COL5A2: variants seen among roughly 807,000 people sequenced by gnomAD.
COL5A2 encodes the protein collagen type V alpha 2 chain, also known as collagen alpha-2(V) chain.
A neutral mutation model predicts 208.2 loss-of-function variants in COL5A2; 23 were observed. That is an observed-to-expected ratio of 0.11 (90% CI 0.08 to 0.16). The LOEUF is 0.16. Among genes scored for constraint, COL5A2 ranks in the 10% least tolerant of loss-of-function variants. The pLI is 1.00. For synonymous variants in COL5A2, 625 were observed against 628.5 expected (o/e 0.99, Z 0.08); for missense variants, 1,590 against 1,956.4 (o/e 0.81, Z 3.53).
intron 18 of COL5A2, among the ~76,000 whole-genome samples, chr2:189,069,136 A>G (rs1686216919): frequency 6.6e-6 from 1 of 152,154 alleles, no homozygotes; most frequent in African/African-American, 2.4e-5. Context: ...AAGAAGCCCT[A>G]CACCAGGGTT....
At chr2:189,137,211 A>G (rs754265004) in intron 1 of COL5A2, among the ~76,000 whole-genome samples, 5 of 152,256 alleles carry the variant, frequency 3.3e-5, no homozygotes, top group Non-Finnish European at 7.3e-5. Context: ...TGAGTGAATT[A>G]TCATTGGTCT....
chr2:189,396,402 G>A, the COL5A2 span, among the ~76,000 whole-genome samples: 4 of 152,056 alleles, frequency 2.6e-5, no homozygotes, highest in African/African-American at 9.7e-5. Flanking sequence ...GGCCGGGTGC[G>A]GTGGCTCACG....
upstream of COL5A2, among the ~76,000 whole-genome samples, chr2:189,230,004 A>C (rs1689460911): frequency 6.6e-6 from 1 of 151,858 alleles, no homozygotes; most frequent in Non-Finnish European, 1.5e-5. Flanking sequence ...CCAATGGACT[A>C]AAATAGACAA....
At chr2:189,047,218 G>T (rs530301489) in intron 45 of COL5A2, among the ~76,000 whole-genome samples, 2 of 152,052 alleles carry the variant, frequency 1.3e-5, no homozygotes, top group South Asian at 4.1e-4. Context: ...TTAAAAGGGC[G>T]ATGGCAACTT....
intron 1 of COL5A2, among the ~76,000 whole-genome samples, chr2:189,203,500 T>C (rs192423072): frequency 6.6e-6 from 1 of 152,316 alleles, no homozygotes; most frequent in East Asian, 1.9e-4. Context: ...TATCGGCAAG[T>C]TTACAGAACA....
chr2:189,302,296 T>C, the COL5A2 span, among the ~76,000 whole-genome samples: 1 of 152,174 alleles, frequency 6.6e-6, no homozygotes, highest in Admixed American at 6.5e-5. Context: ...TCTCTGAAGT[T>C]AAGGGGCTGT....
the COL5A2 span, among the ~76,000 whole-genome samples, chr2:189,258,869 A>G: frequency 1.3e-5 from 2 of 152,186 alleles, no homozygotes; most frequent in African/African-American, 4.8e-5. Context: ...AGGGCAAATT[A>G]CCAGGCACCC....
rs530340351 is a variant in COL5A2, at chr2:189,094,361, G to A, written c.457-1941C>T. ...AAAGTATCTATTTTTATATCTCCAA[G>A]TGAGCTGAATTACATAATTCTTATA... On this transcript the variant is annotated intron_variant, in intron 6 of 53. Transcript: ENST00000374866. Among the ~76,000 whole-genome samples the A allele has an allele frequency of 4.6e-5, 7 of 152,024 alleles. No homozygotes were observed. In the East Asian group the frequency reaches 1.4e-3, roughly 29 times the overall value.
chr2:189,350,403 C>T, the COL5A2 span, among the ~76,000 whole-genome samples: 1 of 151,838 alleles, frequency 6.6e-6, no homozygotes, highest in Non-Finnish European at 1.5e-5. Context: ...TAGACAGGCC[C>T]CACTCATATA....
the COL5A2 span, among the ~76,000 whole-genome samples, chr2:189,282,108 C>A: frequency 6.6e-6 from 1 of 152,110 alleles, no homozygotes; most frequent in Non-Finnish European, 1.5e-5. Context: ...ATTGTTAGAA[C>A]CCTGGAGGCA....
chr2:189,177,347 G>A (rs1461568548), intron 1 of COL5A2, among the ~76,000 whole-genome samples: 1 of 152,134 alleles, frequency 6.6e-6, no homozygotes, highest in African/African-American at 2.4e-5. Flanking sequence ...CCTTTATTAA[G>A]CTTGTGATAG....
chr2:189,322,345 C>A, the COL5A2 span, among the ~76,000 whole-genome samples: 3 of 152,042 alleles, frequency 2.0e-5, no homozygotes, highest in Middle Eastern at 3.4e-3. Context: ...AACTGAAGGA[C>A]ATAGAGACAC....
Position 189,034,058 on chromosome 2 carries a change from T to C in COL5A2, c.*12A>G. 1 of 1,613,950 alleles carries C rather than the reference T, an allele frequency of 6.2e-7. No individual in the cohort carries two copies. The highest frequency in any genetic ancestry group is 8.5e-7 in the Non-Finnish European group (1 of 1,179,862). ...GATGGTGGTGCTCATTGTCGATGTGTCTTGGCTTACTTTACACAAAACAAA... is the reference window on the plus strand; with the variant it reads ...GATGGTGGTGCTCATTGTCGATGTGCCTTGGCTTACTTTACACAAAACAAA... On this transcript the variant is annotated 3_prime_UTR_variant, in exon 54 of 54. Coordinates refer to ENST00000374866, the MANE Select transcript of COL5A2 (RefSeq NM_000393.5).
chr2:189,384,364 TCTCA>T, the COL5A2 span, among the ~76,000 whole-genome samples: 1 of 152,164 alleles, frequency 6.6e-6, no homozygotes, highest in African/African-American at 2.4e-5. Context: ...TAATTTATAT[TCTCA>T]CTAATAGTGT....
the COL5A2 span, among the ~76,000 whole-genome samples, chr2:189,263,416 A>G: frequency 6.6e-6 from 1 of 152,150 alleles, no homozygotes; most frequent in African/African-American, 2.4e-5. Context: ...AATATATACA[A>G]TGGTAGTCCC....
chr2:189,140,709 T>C (rs1687918039), intron 1 of COL5A2, among the ~76,000 whole-genome samples: 1 of 152,176 alleles, frequency 6.6e-6, no homozygotes, highest in Non-Finnish European at 1.5e-5. Context: ...TTTCTCATTG[T>C]AGAGGCTTAA....
At chr2:189,379,414 T>A in the COL5A2 span, among the ~76,000 whole-genome samples, 1 of 152,170 alleles carries the variant, frequency 6.6e-6, no homozygotes, top group Admixed American at 6.5e-5. Context: ...TCCATAGGCA[T>A]TTTTTACGGC....
the COL5A2 span, among the ~76,000 whole-genome samples, chr2:189,297,969 T>G: frequency 6.6e-6 from 1 of 152,214 alleles, no homozygotes; most frequent in Non-Finnish European, 1.5e-5. Flanking sequence ...TTCTAGTAAC[T>G]TTTGGTTATT....
intron 16 of COL5A2, among the ~76,000 whole-genome samples, chr2:189,075,893 G>A (rs1327014091): frequency 6.6e-6 from 1 of 152,138 alleles, no homozygotes; most frequent in Non-Finnish European, 1.5e-5. Flanking sequence ...CATCCTGCCA[G>A]CTGGAAATAT....
Sources: gnomAD v4.1 joint callset for allele counts (sites outside exome capture counted in the v4.1 genomes callset) on GRCh38, gnomAD v4.1.1 for gene constraint, MANE v1.5 for transcripts, NCBI Gene and HGNC (gene_info 2026-07-23, HGNC 2026-07-21) for gene names.